The following CSMD1 variants were observed in gnomAD, a reference collection of about 807,000 sequenced individuals.
CSMD1 encodes the protein CUB and sushi domain-containing protein 1.
CSMD1 carries 213 observed loss-of-function variants against 417.5 expected under a neutral mutation model. That is an observed-to-expected ratio of 0.51 (90% CI 0.46 to 0.57). The LOEUF (loss-of-function observed/expected upper bound fraction) is 0.57. Ranked by LOEUF, CSMD1 falls within the 20% of genes least tolerant of loss-of-function variation. CSMD1 has a pLI of 0.00. For synonymous variants in CSMD1, 2,862 were observed against 1,736.8 expected (o/e 1.65, Z -16.11); for missense variants, 6,923 against 4,529.7 (o/e 1.53, Z -15.17).
At chr8:4,203,112 T>C (rs932670822) in intron 3 of CSMD1, among the ~76,000 whole-genome samples, 3 of 152,214 alleles carry the variant, frequency 2.0e-5, no homozygotes, top group African/African-American at 7.2e-5. Flanking sequence ...GGTTCCCTGT[T>C]GTCATAACAT....
chr8:4,565,468 T>C (rs1798547838), intron 2 of CSMD1, among the ~76,000 whole-genome samples: 1 of 152,080 alleles, frequency 6.6e-6, no homozygotes, highest in Admixed American at 6.6e-5. Context: ...CCAGGCATAG[T>C]GGCTCACACC....
chr8:3,514,900 TTATATC>T (rs1797223925), intron 10 of CSMD1, among the ~76,000 whole-genome samples: 1 of 152,172 alleles, frequency 6.6e-6, no homozygotes, highest in Non-Finnish European at 1.5e-5. Context: ...TTATTATTGT[TTATATC>T]TATATGCTAA....
chr8:3,762,674 T>C (rs903006789), intron 5 of CSMD1, among the ~76,000 whole-genome samples: 2 of 152,162 alleles, frequency 1.3e-5, no homozygotes, highest in Non-Finnish European at 2.9e-5. Flanking sequence ...GGCACACTGG[T>C]GCCCAGAGAA....
chr8:3,999,713 T>C (rs1033764296), intron 4 of CSMD1, among the ~76,000 whole-genome samples: 2 of 152,188 alleles, frequency 1.3e-5, no homozygotes, highest in African/African-American at 4.8e-5. Flanking sequence ...CAACTAATGC[T>C]AATGGCAGCT....
chr8:4,327,749 G>T (rs117091030), intron 3 of CSMD1, among the ~76,000 whole-genome samples: 5 of 152,170 alleles, frequency 3.3e-5, no homozygotes, highest in African/African-American at 1.2e-4. Flanking sequence ...CGAAAACATT[G>T]TTACATACAT....
At chr8:3,955,953 C>A (rs1372933617) in intron 5 of CSMD1, among the ~76,000 whole-genome samples, 1 of 152,150 alleles carries the variant, frequency 6.6e-6, no homozygotes, top group Non-Finnish European at 1.5e-5. Flanking sequence ...AACACCACGC[C>A]CAACTAATTG....
At chr8:4,777,809 G>A (rs924899160) in intron 1 of CSMD1, among the ~76,000 whole-genome samples, 2 of 152,146 alleles carry the variant, frequency 1.3e-5, no homozygotes, top group Non-Finnish European at 2.9e-5. Flanking sequence ...GGAAGCATGT[G>A]GTGTTTCAGA....
chr8:3,600,002 C>G (rs1380902800), intron 8 of CSMD1, among the ~76,000 whole-genome samples: 1 of 152,126 alleles, frequency 6.6e-6, no homozygotes, highest in African/African-American at 2.4e-5. Flanking sequence ...ATTGTGAGGG[C>G]AGGGAAAATG....
At chr8:3,440,575 G>C (rs1013762356) in intron 12 of CSMD1, among the ~76,000 whole-genome samples, 1 of 152,078 alleles carries the variant, frequency 6.6e-6, no homozygotes, top group African/African-American at 2.4e-5. Context: ...CTATCTAGAC[G>C]ATCACGTTAC....
chr8:4,003,210 G>T (rs1430972375), intron 4 of CSMD1, among the ~76,000 whole-genome samples: 1 of 152,006 alleles, frequency 6.6e-6, no homozygotes, highest in African/African-American at 2.4e-5. Flanking sequence ...TGGCTAACAT[G>T]GTGAAACCCC....
intron 3 of CSMD1, among the ~76,000 whole-genome samples, chr8:4,370,823 C>G (rs1163554367): frequency 6.6e-6 from 1 of 152,146 alleles, no homozygotes. Flanking sequence ...GCTTCCAACT[C>G]TTAGATCATT....
intron 3 of CSMD1, among the ~76,000 whole-genome samples, chr8:4,369,099 C>A (rs979212093): frequency 5.9e-5 from 9 of 152,040 alleles, no homozygotes; most frequent in African/African-American, 2.2e-4. Context: ...AAAAACTTTC[C>A]TCTTAACACT....
At chr8:3,821,498 AGG>A (rs1801733687) in intron 5 of CSMD1, among the ~76,000 whole-genome samples, 1 of 144,960 alleles carries the variant, frequency 6.9e-6, no homozygotes, top group Non-Finnish European at 1.6e-5. Context: ...AAAGTCTACC[AGG>A]AGCTGGGTGC....
intron 1 of CSMD1, among the ~76,000 whole-genome samples, chr8:4,876,510 A>G (rs1269631464): frequency 6.6e-6 from 1 of 152,138 alleles, no homozygotes; most frequent in African/African-American, 2.4e-5. Flanking sequence ...TAACAAGACT[A>G]TGTGTAAACA....
chr8:4,035,092 T>C (rs10089079), intron 3 of CSMD1, among the ~76,000 whole-genome samples: 11,068 of 152,224 alleles, frequency 0.073, 551 homozygotes, highest in Non-Finnish European at 0.11. Context: ...TCTACAGTAA[T>C]ATATAGTTGT....
chr8:4,411,011 T>C (rs1330359066), intron 3 of CSMD1, among the ~76,000 whole-genome samples: 3 of 152,148 alleles, frequency 2.0e-5, no homozygotes, highest in Non-Finnish European at 4.4e-5. Context: ...GTCTTACCTC[T>C]TTTGCATTCA....
chr8:3,811,824 G>C (rs981831429), intron 5 of CSMD1, among the ~76,000 whole-genome samples: 3 of 152,138 alleles, frequency 2.0e-5, no homozygotes, highest in Admixed American at 6.6e-5. Context: ...AACTTTAAGG[G>C]TGTTCATCTC....
chr8:4,860,486 T>C (rs1054674135), intron 1 of CSMD1, among the ~76,000 whole-genome samples: 1 of 151,994 alleles, frequency 6.6e-6, no homozygotes, highest in Non-Finnish European at 1.5e-5. Context: ...GCTGGCTCCC[T>C]CATCATCTTT....
intron 2 of CSMD1, among the ~76,000 whole-genome samples, chr8:4,438,064 T>A (rs560834152): frequency 3.2e-4 from 49 of 152,276 alleles, no homozygotes; most frequent in African/African-American, 1.2e-3. Context: ...GAACAGCCAA[T>A]ATTCACACTC....
Sources: allele counts gnomAD v4.1 joint callset (sites outside exome capture counted in the v4.1 genomes callset), GRCh38; gene constraint gnomAD v4.1.1; transcripts MANE v1.5; gene names NCBI Gene and HGNC (gene_info 2026-07-23, HGNC 2026-07-21).